CEP72: variants seen among roughly 807,000 people sequenced by gnomAD.
CEP72 encodes the protein centrosomal protein of 72 kDa.
Under a neutral mutation model 65.7 loss-of-function variants are expected in CEP72, and 78 were observed. The ratio of observed to expected loss-of-function variants is 1.19; its 90% CI spans 0.99 to 1.43. The LOEUF (loss-of-function observed/expected upper bound fraction) is 1.43. CEP72 is among the 40% of genes most tolerant of loss of function. The pLI is 0.00. For synonymous variants in CEP72, 358 were observed against 351.7 expected (o/e 1.02, Z -0.20); for missense variants, 914 against 832.9 (o/e 1.10, Z -1.20).
At chr5:656,843 G>T (rs1198736569), downstream of CEP72, 1 of 152,174 alleles carries the variant, frequency 6.6e-6, no homozygotes, top group African/African-American at 2.4e-5. Flanking sequence ...GGGCATCGTT[G>T]TCTTCTTCCT....
chr5:649,515 T>G (rs1336996635), intron 11 of CEP72, among the ~76,000 whole-genome samples: 4 of 58,936 alleles, frequency 6.8e-5, no homozygotes, highest in African/African-American at 2.1e-4. Flanking sequence ...GACTGTGAGG[T>G]GTGACTGTGA....
intron 9 of CEP72, chr5:642,822 C>A (rs1738148592): frequency 1.0e-6 from 1 of 985,470 alleles, no homozygotes; most frequent in East Asian, 1.1e-4. Context: ...TCCAGGGAGG[C>A]CCACATCTGT....
rs1293775082 is a variant in CEP72 at position 637,918 on chromosome 5, C to T, written c.1206+100C>T. 4 of 1,152,594 alleles carry T rather than the reference C, an allele frequency of 3.5e-6. No individual in the cohort carries two copies. The East Asian group carries it at 1.1e-4, about 31-fold the overall frequency. 71.4% of individuals were successfully genotyped at this position (1,152,594 alleles called of 1,614,324 possible). A position where few individuals can be genotyped will look rare whatever the true frequency, so the allele number is the denominator to read the frequency against. On this transcript the variant is annotated intron_variant, in intron 7 of 11. Coordinates refer to ENST00000264935, the MANE Select transcript of CEP72 (RefSeq NM_018140.4). ...GCCGTGATTACGCCTGCGGCACTGA[C>T]TGTGTCCCTCCCTGATGCAGGGCTG...
intron 1 of CEP72, among the ~76,000 whole-genome samples, chr5:617,058 G>A (rs569219475): frequency 4.2e-4 from 64 of 152,250 alleles, no homozygotes; most frequent in African/African-American, 1.5e-3. Context: ...GCCCCTCCTG[G>A]TCCTTTGGCC....
intron 7 of CEP72, among the ~76,000 whole-genome samples, chr5:638,796 C>T (rs906345346): frequency 5.3e-5 from 8 of 152,164 alleles, no homozygotes; most frequent in African/African-American, 9.7e-5. Context: ...ATGTGTCTTC[C>T]GCTTCCCTGT....
rs4957080 is a variant in CEP72 at position 644,437 on chromosome 5, G to T, written c.1666+12G>T. On this transcript the variant is annotated intron_variant, in intron 10 of 11. Coordinates refer to ENST00000264935, the MANE Select transcript of CEP72 (RefSeq NM_018140.4). ...TTTGCAGATCGCTGGTAAGTTGATC[G>T]TGTATTTGGTCACTTTGTAAACTTT... The T allele has an allele frequency of 0.18, 286,290 of 1,611,872 alleles. 27,654 individuals carry two copies. The highest frequency in any genetic ancestry group is 0.21 in the Admixed American group (12,828 of 59,910).
chr5:666,430 G>A (rs557977929), intron 4 of CEP72, among the ~76,000 whole-genome samples: 4 of 152,196 alleles, frequency 2.6e-5, no homozygotes, highest in Non-Finnish European at 4.4e-5. Flanking sequence ...TCCTCCTCCC[G>A]GGGCCACCAC....
intron 6 of CEP72, among the ~76,000 whole-genome samples, chr5:635,849 C>T (rs1207990893): frequency 3.3e-5 from 5 of 151,326 alleles, no homozygotes; most frequent in South Asian, 2.1e-4. Flanking sequence ...TGCCTCCCTG[C>T]GGGCTGGCCC....
At chr5:673,004 A>G in the CEP72 span, among the ~76,000 whole-genome samples, 1 of 152,344 alleles carries the variant, frequency 6.6e-6, no homozygotes, top group African/African-American at 2.4e-5. Flanking sequence ...CCCTGAAAAC[A>G]GAAATCGGTA....
chr5:672,096 C>T (rs1438275386), downstream of CEP72, among the ~76,000 whole-genome samples: 1 of 152,244 alleles, frequency 6.6e-6, no homozygotes, highest in South Asian at 2.1e-4. Flanking sequence ...GGGTCCTGCT[C>T]CTGGGAGGTG....
chr5:654,080 AGTGTGT>A (rs70955274), downstream of CEP72, among the ~76,000 whole-genome samples: 1 of 120,044 alleles, frequency 8.3e-6, no homozygotes, highest in African/African-American at 3.2e-5. Context: ...GTGTGCGCCT[AGTGTGT>A]GTGTGCTAGC....
At position 627,016 on chromosome 5, in the gene CEP72, C is replaced by T. The variant is rs570499841; in HGVS notation, c.512+2437C>T. 4.6e-5 allele frequency among the ~76,000 whole-genome samples: 7 copies of T among 152,314 alleles called. No homozygotes were observed. In the South Asian group the frequency reaches 1.0e-3, roughly 23 times the overall value. ...CTTTGTCTGGTTTTGGTTTTAGGATCATGCTGACCGCATAGAATGAGTTAG... is the reference window on the plus strand; with the variant it reads ...CTTTGTCTGGTTTTGGTTTTAGGATTATGCTGACCGCATAGAATGAGTTAG... On this transcript the variant is annotated intron_variant, in intron 4 of 11. Transcript: ENST00000264935.
rs1029254930 is a variant in CEP72 at position 623,262 on chromosome 5, T to C, written c.404-1209T>C. On this transcript the variant is annotated intron_variant, in intron 3 of 11. Coordinates refer to ENST00000264935, the MANE Select transcript of CEP72 (RefSeq NM_018140.4). The surrounding 1 kb of genome is among the most constrained non-coding windows in gnomAD (Gnocchi z 5.3). ...CGCATGTGAGAGATGCTTCCTGCAG[T>C]GGCGCTGGCAGTCAGAGGCGCTGCG... 1.3e-5 allele frequency among the ~76,000 whole-genome samples: 2 copies of C among 152,172 alleles called. No individual in the cohort carries two copies. The highest frequency in any genetic ancestry group is 6.5e-5 in the Admixed American group (1 of 15,280).
intron 9 of CEP72, chr5:641,537 A>T (rs569805558): frequency 2.0e-6 from 2 of 982,430 alleles, no homozygotes; most frequent in Admixed American, 1.2e-4. Flanking sequence ...AAAACACAGC[A>T]AAACAACACA....
chr5:614,162 TC>T (rs1366496560), intron 1 of CEP72, among the ~76,000 whole-genome samples: 1 of 152,262 alleles, frequency 6.6e-6, no homozygotes, highest in African/African-American at 2.4e-5. Context: ...GTTTGATTTT[TC>T]TCCAGTGTTT....
chr5:634,434 G>A (rs375910955), intron 5 of CEP72, among the ~76,000 whole-genome samples: 20 of 152,312 alleles, frequency 1.3e-4, no homozygotes, highest in Admixed American at 2.6e-4. Flanking sequence ...TTCCACCTCC[G>A]CTGTGAGTTT....
At chr5:648,131 C>T (rs902544402) in intron 11 of CEP72, among the ~76,000 whole-genome samples, 10 of 152,230 alleles carry the variant, frequency 6.6e-5, no homozygotes, top group Admixed American at 3.3e-4. Flanking sequence ...ATGTGTGAGG[C>T]GTGGATCATG....
rs1738204024 is a variant in CEP72, at chr5:643,551, C to T, written c.1540-748C>T. The T allele has an allele frequency of 3.0e-6, 3 of 985,310 alleles. No individual in the cohort carries two copies. In the African/African-American group the frequency reaches 5.2e-5, roughly 17 times the overall value. The allele number at this position is 985,310 out of a possible 1,614,324, so 61.0% of individuals were successfully genotyped here. A position where few individuals can be genotyped will look rare whatever the true frequency, so the allele number is the denominator to read the frequency against. On this transcript the variant is annotated intron_variant, in intron 9 of 11. Transcript: ENST00000264935. ...AAGGATGAAGCGGCGATACCCCCAG[C>T]ACGAGGCTTCTGCTGCACAGACTCA...
Position 620,110 on chromosome 5 carries a change from C to T in CEP72, c.252C>T (p.Tyr84=), listed in dbSNP as rs368408591. Residue 84 remains tyrosine, a synonymous_variant, in exon 3 of 12, where the codon TAC becomes TAT. Coordinates refer to ENST00000264935, the MANE Select transcript of CEP72 (RefSeq NM_018140.4). ...CTGCATTGGAGAGTCTCAATCTCTA[C>T]TACAACTGCATCTCCTCGTTGGCAG... is the stretch of plus-strand genomic sequence containing the variant. The part of the protein sequence containing the change: ...YLTALESLNL[Y]YNCISSLAEV... The T allele has an allele frequency of 3.1e-6, 5 of 1,614,026 alleles. No individual in the cohort carries two copies. Among genetic ancestry groups the T allele is most frequent in the African/African-American group, 2.7e-5 (2 of 74,948 alleles).
Sources: allele counts gnomAD v4.1 joint callset (sites outside exome capture counted in the v4.1 genomes callset), GRCh38; gene constraint gnomAD v4.1.1; non-coding constraint Gnocchi (gnomAD v3.1); transcripts MANE v1.5; gene names NCBI Gene and HGNC (gene_info 2026-07-23, HGNC 2026-07-21).